Variants in FAM107B observed in about 807,000 individuals in gnomAD.
FAM107B encodes family with sequence similarity 107 member B.
FAM107B carries 21 observed loss-of-function variants against 31.5 expected under a neutral mutation model. The observed-to-expected ratio is 0.67, with a 90% CI of 0.47 to 0.96. The LOEUF (loss-of-function observed/expected upper bound fraction) is 0.96. FAM107B is among the 40% of genes least tolerant of loss of function. FAM107B has a pLI of 0.00. For missense variants in FAM107B, 452 were observed against 377.1 expected (o/e 1.20, Z -1.64); for synonymous variants, 157 against 141.5 (o/e 1.11, Z -0.78).
chr10:14,528,173 G>GGTTTTTTT (rs1846518846), intron 3 of FAM107B: 1 of 78,628 alleles, frequency 1.3e-5, no homozygotes, highest in African/African-American at 5.6e-5. Flanking sequence ...TTTAAGTTTT[G>GGTTTTTTT]GTTTTTTTTT....
At chr10:14,764,028 A>C (rs915809920) in intron 1 of FAM107B, among the ~76,000 whole-genome samples, 15 of 152,142 alleles carry the variant, frequency 9.9e-5, no homozygotes, top group Admixed American at 9.2e-4. Context: ...TCCCATCTCT[A>C]CTGCTGCCTT....
At chr10:14,732,257 G>A (rs1482393347) in intron 1 of FAM107B, among the ~76,000 whole-genome samples, 4 of 152,242 alleles carry the variant, frequency 2.6e-5, no homozygotes, top group South Asian at 4.1e-4. Flanking sequence ...TTCCAAGCCC[G>A]CAAGCAAGCG....
intron 2 of FAM107B, among the ~76,000 whole-genome samples, chr10:14,595,576 C>T (rs1468830448): frequency 1.3e-5 from 2 of 152,024 alleles, no homozygotes. Context: ...CAGGCGTGCA[C>T]CACCACGCCT....
chr10:14,729,105 A>G (rs1036704395), intron 1 of FAM107B, among the ~76,000 whole-genome samples: 1 of 151,806 alleles, frequency 6.6e-6, no homozygotes, highest in African/African-American at 2.4e-5. Context: ...CAGTCCTCCC[A>G]CCTCAGCCTC....
At chr10:14,614,219 C>T (rs1416816229) in intron 2 of FAM107B, among the ~76,000 whole-genome samples, 1 of 152,142 alleles carries the variant, frequency 6.6e-6, no homozygotes, top group Non-Finnish European at 1.5e-5. Context: ...ACATGAGGTC[C>T]TGTGGGCTCT....
rs558833359 is a variant in FAM107B, at chr10:14,604,362, C to A, written c.469+63272G>T. On this transcript the variant is annotated intron_variant, in intron 2 of 4. Coordinates refer to ENST00000181796, the MANE Select transcript of FAM107B (RefSeq NM_031453.4). The stretch of plus-strand genomic sequence containing the variant: ...GGCGCGAGGGCGGCTCCGGGGGCGG[C>A]GGCCCGGCCCGCAAGCCAGTCCGGC... The A allele has an allele frequency of 5.3e-5, 28 of 527,884 alleles. No individual in the cohort carries two copies. The African/African-American group carries it at 5.6e-4, about 11-fold the overall frequency. The allele number at this position is 527,884 out of a possible 1,614,324, so 32.7% of individuals were successfully genotyped here.
intron 2 of FAM107B, among the ~76,000 whole-genome samples, chr10:14,596,890 C>G (rs1259472277): frequency 1.3e-5 from 2 of 152,156 alleles, no homozygotes; most frequent in Non-Finnish European, 2.9e-5. Flanking sequence ...CACCCTAAGA[C>G]AACTCTAAGA....
chr10:14,734,890 A>C (rs1399772341), intron 1 of FAM107B, among the ~76,000 whole-genome samples: 1 of 152,182 alleles, frequency 6.6e-6, no homozygotes, highest in African/African-American at 2.4e-5. Context: ...ACACAGTTGT[A>C]TAAATCCCCT....
intron 1 of FAM107B, among the ~76,000 whole-genome samples, chr10:14,766,036 A>C (rs1411049177): frequency 6.6e-6 from 1 of 152,216 alleles, no homozygotes; most frequent in African/African-American, 2.4e-5. Flanking sequence ...TGGTACCCCC[A>C]AGTCTTGGCT....
At chr10:14,700,274 A>G (rs1450055363) in intron 1 of FAM107B, among the ~76,000 whole-genome samples, 1 of 152,152 alleles carries the variant, frequency 6.6e-6, no homozygotes, top group African/African-American at 2.4e-5. Flanking sequence ...ACTGTGATGC[A>G]GGGAGAGTGG....
intron 2 of FAM107B, chr10:14,572,434 A>T: frequency 2.0e-6 from 2 of 983,718 alleles, no homozygotes; most frequent in Non-Finnish European, 2.4e-6. Flanking sequence ...CACTTCTTAG[A>T]GCATCACCAC....
rs1377441612 is a variant in FAM107B, at chr10:14,518,859, C to T, written c.*2331G>A. 2 of 152,562 alleles carry T rather than the reference C, an allele frequency of 1.3e-5. No homozygotes were observed. The allele number at this position is 152,562 out of a possible 1,614,324, so 9.5% of individuals were successfully genotyped here. ...AAAACCACGCTGTGGAAAAATGGAG[C>T]CATTTTTGTCAAAAAGTGGCTCAAA... is the stretch of plus-strand genomic sequence containing the variant. On this transcript the variant is annotated 3_prime_UTR_variant, in exon 5 of 5. Coordinates refer to ENST00000181796, the MANE Select transcript of FAM107B (RefSeq NM_031453.4).
chr10:14,691,890 T>TCG lies in FAM107B; in HGVS notation c.412-24200_412-24199insCG, dbSNP rs201790119. 3.8e-3 allele frequency among the ~76,000 whole-genome samples: 214 copies of TCG among 56,898 alleles called. 13 individuals are homozygous for TCG. The highest frequency in any genetic ancestry group is 6.5e-3 in the African/African-American group (58 of 8,928). 37.3% of individuals were successfully genotyped at this position (56,898 alleles called of 152,430 possible). On this transcript the variant is annotated intron_variant, in intron 1 of 4. Transcript: ENST00000181796. ...GCCTGAGCTACAGAGTGAGACTCTG[T>TCG]CACAAAAAAAAAAAAAAAAAATTAA... is the stretch of plus-strand genomic sequence containing the variant.
At chr10:14,685,769 T>C (rs145800881) in intron 1 of FAM107B, among the ~76,000 whole-genome samples, 26 of 152,312 alleles carry the variant, frequency 1.7e-4, no homozygotes, top group African/African-American at 5.3e-4. Context: ...AGTCTCCCTC[T>C]CTATCAGTCT....
intron 1 of FAM107B, among the ~76,000 whole-genome samples, chr10:14,752,642 T>TA (rs1398011273): frequency 1.3e-5 from 2 of 152,166 alleles, no homozygotes; most frequent in African/African-American, 4.8e-5. Flanking sequence ...ATCAGACTCA[T>TA]AAAAGCTGGC....
chr10:14,735,172 T>G (rs1179282740), intron 1 of FAM107B, among the ~76,000 whole-genome samples: 1 of 152,208 alleles, frequency 6.6e-6, no homozygotes, highest in Non-Finnish European at 1.5e-5. Flanking sequence ...CCTTTTGTGA[T>G]AGGATAGATC....
At chr10:14,732,054 C>T (rs1270743245) in intron 1 of FAM107B, among the ~76,000 whole-genome samples, 1 of 152,194 alleles carries the variant, frequency 6.6e-6, no homozygotes, top group Non-Finnish European at 1.5e-5. Context: ...TTCCCACCTG[C>T]GGTCCCAATG....
chr10:14,723,577 G>C (rs17267324), intron 1 of FAM107B: 37,638 of 663,908 alleles, frequency 0.057, 1,374 homozygotes, highest in Non-Finnish European at 0.076. Context: ...GCATGGAAAG[G>C]CTATGTCCAC....
chr10:14,728,351 GC>G lies in FAM107B; in HGVS notation c.411+45901del, dbSNP rs539308221. Among the ~76,000 whole-genome samples the G allele has an allele frequency of 2.0e-4, 30 of 150,316 alleles. No individual in the cohort carries two copies. The South Asian group carries it at 2.7e-3, about 14-fold the overall frequency. ...AAGGGGTGTGTGTGTGTGTGTGTGT[GC>G]TTTTTTTTTTAATCTCCAGCGGTAG... On this transcript the variant is annotated intron_variant, in intron 1 of 4. Coordinates refer to ENST00000181796, the MANE Select transcript of FAM107B (RefSeq NM_031453.4).
Sources: allele counts gnomAD v4.1 joint callset (sites outside exome capture counted in the v4.1 genomes callset), GRCh38; gene constraint gnomAD v4.1.1; transcripts MANE v1.5; gene names NCBI Gene and HGNC (gene_info 2026-07-23, HGNC 2026-07-21).